Variants in UST observed in about 807,000 individuals in gnomAD.
The protein encoded by UST is uronyl 2-sulfotransferase, also known as chondroitin sulfate 2-O-sulfotransferase.
Under a neutral mutation model 45.6 loss-of-function variants are expected in UST, and 21 were observed. The ratio of observed to expected loss-of-function variants is 0.46; its 90% CI spans 0.33 to 0.66. The LOEUF is 0.66. Ranked by LOEUF, UST falls within the 30% of genes least tolerant of loss-of-function variation. The pLI, the probability that UST is intolerant of heterozygous loss-of-function variation, is 0.02. For missense variants in UST, 463 were observed against 512.4 expected (o/e 0.90, Z 0.93); for synonymous variants, 215 against 200.6 (o/e 1.07, Z -0.61).
At chr6:148,990,356 T>C in intron 5 of UST, 5 of 982,670 alleles carry the variant, frequency 5.1e-6, no homozygotes, top group Non-Finnish European at 6.0e-6. Context: ...AGATCTTTCT[T>C]TCTTTTAAAT....
chr6:148,842,333 G>C (rs1012784930), intron 1 of UST, among the ~76,000 whole-genome samples: 3 of 152,196 alleles, frequency 2.0e-5, no homozygotes, highest in African/African-American at 7.2e-5. Flanking sequence ...TGTGTTTTGA[G>C]GGAGAGTCAG....
At chr6:148,860,712 T>C (rs994917388) in intron 1 of UST, among the ~76,000 whole-genome samples, 14 of 152,348 alleles carry the variant, frequency 9.2e-5, no homozygotes, top group African/African-American at 3.4e-4. Context: ...TGAAGGGCTG[T>C]TGAATTTTGT....
chr6:148,794,426 G>A (rs535696358), intron 1 of UST, among the ~76,000 whole-genome samples: 2 of 152,282 alleles, frequency 1.3e-5, no homozygotes, highest in African/African-American at 4.8e-5. Flanking sequence ...TATTTTTAAT[G>A]AAGCTGCTTT....
chr6:149,050,594 T>C (rs1463373499), intron 7 of UST, among the ~76,000 whole-genome samples: 5 of 152,210 alleles, frequency 3.3e-5, no homozygotes, highest in Non-Finnish European at 7.3e-5. Flanking sequence ...ACACCAGCAT[T>C]ATTGAGGAGT....
chr6:148,951,400 C>T (rs927695302), intron 3 of UST, among the ~76,000 whole-genome samples: 1 of 152,106 alleles, frequency 6.6e-6, no homozygotes, highest in Non-Finnish European at 1.5e-5. Flanking sequence ...CATGTGTCTT[C>T]CCACCCATCT....
chr6:149,037,777 AT>A (rs765005104), intron 7 of UST, among the ~76,000 whole-genome samples: 176 of 152,318 alleles, frequency 1.2e-3, no homozygotes, highest in Admixed American at 1.8e-3. Flanking sequence ...CTGACAATTT[AT>A]TTTTATCGTC....
intron 5 of UST, among the ~76,000 whole-genome samples, chr6:149,014,980 A>C (rs550231831): frequency 6.6e-6 from 1 of 152,196 alleles, no homozygotes; most frequent in South Asian, 2.1e-4. Context: ...AGGTGGAAGG[A>C]AGAGCTGCTG....
At chr6:148,848,111 C>T (rs1354977407) in intron 1 of UST, among the ~76,000 whole-genome samples, 2 of 152,182 alleles carry the variant, frequency 1.3e-5, no homozygotes, top group Non-Finnish European at 2.9e-5. Context: ...TAACTTGTCA[C>T]ACCTGTTGGG....
intron 7 of UST, among the ~76,000 whole-genome samples, chr6:149,068,337 G>A (rs996580266): frequency 6.6e-6 from 1 of 152,228 alleles, no homozygotes; most frequent in African/African-American, 2.4e-5. Context: ...GACCTTGAAT[G>A]AGTTATAGCC....
intron 5 of UST, chr6:149,005,587 A>G (rs1775670467): frequency 2.0e-6 from 2 of 985,474 alleles, no homozygotes; most frequent in Non-Finnish European, 2.4e-6. Flanking sequence ...GGTACTCAGT[A>G]AAGGTTAGTC....
At chr6:148,754,151 T>G (rs563772367) in intron 1 of UST, among the ~76,000 whole-genome samples, 1 of 151,978 alleles carries the variant, frequency 6.6e-6, no homozygotes, top group African/African-American at 2.4e-5. Flanking sequence ...GCCGCCACCA[T>G]GCCTGGCTAA....
chr6:148,885,717 G>A (rs1468847827), intron 1 of UST, among the ~76,000 whole-genome samples: 1 of 152,116 alleles, frequency 6.6e-6, no homozygotes, highest in Non-Finnish European at 1.5e-5. Context: ...GCCAGAACCC[G>A]CTTATTTATT....
At chr6:149,002,691 G>A (rs958324976) in intron 5 of UST, among the ~76,000 whole-genome samples, 4 of 152,080 alleles carry the variant, frequency 2.6e-5, no homozygotes, top group Non-Finnish European at 5.9e-5. Flanking sequence ...ATTTTTACTA[G>A]AGGTGGGGTT....
chr6:148,774,600 C>T (rs907206396), intron 1 of UST, among the ~76,000 whole-genome samples: 10 of 151,988 alleles, frequency 6.6e-5, no homozygotes, highest in Non-Finnish European at 1.5e-4. Context: ...TAATTTCAAG[C>T]GTGAAGTATA....
At chr6:148,835,271 A>T (rs944577276) in intron 1 of UST, among the ~76,000 whole-genome samples, 1 of 152,198 alleles carries the variant, frequency 6.6e-6, no homozygotes, top group Non-Finnish European at 1.5e-5. Context: ...TGGAGGATGT[A>T]TGTATGTTAT....
chr6:148,965,888 T>TC (rs1255160993), intron 5 of UST, among the ~76,000 whole-genome samples: 1 of 151,208 alleles, frequency 6.6e-6, no homozygotes, highest in Non-Finnish European at 1.5e-5. Context: ...TTTTTTTTTT[T>TC]TTTTTTTTTA....
At chr6:148,993,956 CTTTTTTTTTTTTTTT>C (rs57552256) in intron 5 of UST, among the ~76,000 whole-genome samples, 3 of 95,366 alleles carry the variant, frequency 3.1e-5, no homozygotes, top group African/African-American at 1.4e-4. Flanking sequence ...TATTTCTTTC[CTTTTTTTTTTTTTTT>C]TTTTTTTTTT....
intron 1 of UST, among the ~76,000 whole-genome samples, chr6:148,764,943 A>G (rs1776293989): frequency 6.6e-6 from 1 of 152,188 alleles, no homozygotes; most frequent in Non-Finnish European, 1.5e-5. Context: ...ATCCCTATCT[A>G]TATCTGCATA....
At chr6:148,844,456 AC>A (rs1304176114) in intron 1 of UST, among the ~76,000 whole-genome samples, 6 of 152,254 alleles carry the variant, frequency 3.9e-5, no homozygotes, top group African/African-American at 1.4e-4. Flanking sequence ...TCTTACATGT[AC>A]AGTTTGATGA....
Sources: allele counts gnomAD v4.1 joint callset (sites outside exome capture counted in the v4.1 genomes callset), GRCh38; gene constraint gnomAD v4.1.1; transcripts MANE v1.5; gene names NCBI Gene and HGNC (gene_info 2026-07-23, HGNC 2026-07-21).